STXBP5L: variants seen among roughly 807,000 people sequenced by gnomAD.
The protein encoded by STXBP5L is syntaxin-binding protein 5-like.
In STXBP5L, 65 loss-of-function variants were observed where a neutral mutation model predicts 144.5. The ratio of observed to expected loss-of-function variants is 0.45; its 90% CI spans 0.37 to 0.55. STXBP5L has a LOEUF of 0.55. Ranked by LOEUF, STXBP5L falls within the 20% of genes least tolerant of loss-of-function variation. The probability of loss-of-function intolerance (pLI) is 0.00; values close to 1 mark genes in which losing one functional copy is unlikely to be tolerated. For missense variants in STXBP5L, 1,298 were observed against 1,405.5 expected (o/e 0.92, Z 1.22); for synonymous variants, 505 against 469.6 (o/e 1.08, Z -0.97).
chr3:120,966,285 C>G (rs113062192), intron 3 of STXBP5L, among the ~76,000 whole-genome samples: 16,998 of 152,226 alleles, frequency 0.11, 1,040 homozygotes, highest in Non-Finnish European at 0.14. Context: ...CTTCTGTCAA[C>G]TTGTCAAAGT....
chr3:121,101,723 T>A (rs1559747068), intron 5 of STXBP5L, among the ~76,000 whole-genome samples: 1 of 151,918 alleles, frequency 6.6e-6, no homozygotes, highest in African/African-American at 2.4e-5. Context: ...GTACTGGAAG[T>A]CCTACCCAGA....
Position 120,963,013 on chromosome 3 carries a change from A to T in STXBP5L, c.287+7976A>T, listed in dbSNP as rs192650547. ...CACATCCCTTGTTAGTTGGATTCCT[A>T]GGTATTTTATTCTCTTTGTAGCCGT... On this transcript the variant is annotated intron_variant, in intron 3 of 26. Coordinates refer to ENST00000471454, the MANE Select transcript of STXBP5L (RefSeq NM_001308330.2). 2.8e-4 allele frequency among the ~76,000 whole-genome samples: 43 copies of T among 152,216 alleles called. No homozygotes were observed. In the East Asian group the frequency reaches 8.3e-3, roughly 29 times the overall value.
At chr3:121,266,407 CT>C in intron 18 of STXBP5L, among the ~76,000 whole-genome samples, 1 of 152,286 alleles carries the variant, frequency 6.6e-6, no homozygotes, top group Admixed American at 6.5e-5. Flanking sequence ...TAGAAAAGAC[CT>C]TTGATAAAAT....
At chr3:121,296,197 GC>G (rs2051643133) in intron 19 of STXBP5L, among the ~76,000 whole-genome samples, 1 of 152,144 alleles carries the variant, frequency 6.6e-6, no homozygotes, top group South Asian at 2.1e-4. Context: ...GTCAGACACA[GC>G]TTTATCCACA....
chr3:121,414,010 C>T (rs1388098949), intron 24 of STXBP5L, among the ~76,000 whole-genome samples: 11 of 152,158 alleles, frequency 7.2e-5, no homozygotes, highest in Admixed American at 6.6e-4. Context: ...CCTATCTGTA[C>T]ACTCTACTTT....
intron 5 of STXBP5L, among the ~76,000 whole-genome samples, chr3:121,074,988 T>C (rs1458421846): frequency 2.0e-5 from 3 of 152,224 alleles, no homozygotes; most frequent in Non-Finnish European, 2.9e-5. Context: ...TCCTGAGTGC[T>C]CTGCACCAGT....
chr3:121,043,732 A>T (rs563386458), intron 4 of STXBP5L, among the ~76,000 whole-genome samples: 1 of 152,180 alleles, frequency 6.6e-6, no homozygotes, highest in Non-Finnish European at 1.5e-5. Flanking sequence ...AAACAAAAAA[A>T]GAATACTGAG....
intron 20 of STXBP5L, among the ~76,000 whole-genome samples, chr3:121,361,605 C>T (rs553074668): frequency 1.3e-4 from 19 of 151,918 alleles, no homozygotes; most frequent in Non-Finnish European, 2.1e-4. Flanking sequence ...ATGCCAGTTG[C>T]ATTTTTCAGC....
At chr3:121,174,651 G>A (rs1460459452) in intron 9 of STXBP5L, among the ~76,000 whole-genome samples, 3 of 152,130 alleles carry the variant, frequency 2.0e-5, no homozygotes, top group Non-Finnish European at 4.4e-5. Flanking sequence ...ATTTCTGAAA[G>A]TTGAATATGG....
At chr3:120,972,690 T>C (rs1048911013) in intron 3 of STXBP5L, among the ~76,000 whole-genome samples, 2 of 152,106 alleles carry the variant, frequency 1.3e-5, no homozygotes, top group African/African-American at 2.4e-5. Context: ...TTGAGTATGA[T>C]GTTGGCTGTG....
chr3:121,161,813 ATACT>A (rs1194311278), intron 9 of STXBP5L, among the ~76,000 whole-genome samples: 23 of 152,178 alleles, frequency 1.5e-4, no homozygotes, highest in Non-Finnish European at 2.8e-4. Flanking sequence ...ATCCTATCAA[ATACT>A]TAATAGTGAA....
intron 2 of STXBP5L, among the ~76,000 whole-genome samples, chr3:120,921,985 T>G (rs77088534): frequency 3.9e-5 from 6 of 151,972 alleles, no homozygotes; most frequent in African/African-American, 1.5e-4. Context: ...GGATTTTTTT[T>G]TGTGTTTCTG....
At chr3:121,393,052 T>C (rs763359046) in intron 22 of STXBP5L, among the ~76,000 whole-genome samples, 19 of 152,124 alleles carry the variant, frequency 1.2e-4, no homozygotes, top group African/African-American at 4.1e-4. Flanking sequence ...CCACCAATAC[T>C]GTATAAGCGT....
At chr3:121,391,280 A>C (rs756930903) in intron 22 of STXBP5L, among the ~76,000 whole-genome samples, 2 of 151,980 alleles carry the variant, frequency 1.3e-5, no homozygotes, top group Non-Finnish European at 2.9e-5. Flanking sequence ...CTAGTTAGCC[A>C]TTTGTCTAAT....
intron 2 of STXBP5L, among the ~76,000 whole-genome samples, chr3:120,917,037 G>C (rs1343900133): frequency 6.6e-6 from 1 of 152,192 alleles, no homozygotes; most frequent in South Asian, 2.1e-4. Flanking sequence ...AACTAGAAAA[G>C]GAGACAGAGA....
chr3:121,223,158 G>A lies in STXBP5L; in HGVS notation c.1111+1G>A. Reference sequence around the variant, plus strand: ...TTATGTGAAACGCCCTATCCAAATGGTAAGTAACTAAAATGAAACTATTAA... The same window carrying A: ...TTATGTGAAACGCCCTATCCAAATGATAAGTAACTAAAATGAAACTATTAA... On this transcript the variant is annotated splice_donor_variant, in intron 11 of 26. Transcript: ENST00000471454. LOFTEE classifies it high-confidence loss of function. The A allele has an allele frequency of 1.3e-6, 2 of 1,580,512 alleles. No homozygotes were observed. The highest frequency in any genetic ancestry group is 1.7e-6 in the Non-Finnish European group (2 of 1,170,018).
At chr3:121,346,205 T>A (rs2044968813) in intron 20 of STXBP5L, among the ~76,000 whole-genome samples, 1 of 151,358 alleles carries the variant, frequency 6.6e-6, no homozygotes. Context: ...ACATGAGTGT[T>A]TGATTTTTGT....
intron 3 of STXBP5L, among the ~76,000 whole-genome samples, chr3:121,030,692 C>A (rs1029239326): frequency 4.0e-5 from 6 of 151,882 alleles, no homozygotes; most frequent in African/African-American, 1.4e-4. Context: ...CATATAAATT[C>A]CCAGAATTCC....
intron 14 of STXBP5L, among the ~76,000 whole-genome samples, chr3:121,242,085 C>T (rs571997480): frequency 3.5e-4 from 53 of 152,218 alleles, no homozygotes; most frequent in Middle Eastern, 6.8e-3. Context: ...CAAAATCTAT[C>T]ATTTCCAGAT....
Sources: gnomAD v4.1 joint callset for allele counts (sites outside exome capture counted in the v4.1 genomes callset) on GRCh38, gnomAD v4.1.1 for gene constraint, MANE v1.5 for transcripts, NCBI Gene and HGNC (gene_info 2026-07-23, HGNC 2026-07-21) for gene names.